Variants in ANKS1B observed in about 807,000 individuals in gnomAD.
ANKS1B encodes ankyrin repeat and sterile alpha motif domain-containing protein 1B.
ANKS1B carries 36 observed loss-of-function variants against 148.3 expected under a neutral mutation model. That is an observed-to-expected ratio of 0.24 (90% CI 0.19 to 0.32). The LOEUF (loss-of-function observed/expected upper bound fraction) is 0.32, where lower values mean the gene tolerates loss of function less well. ANKS1B is among the 10% of genes least tolerant of loss of function. The pLI, the probability that ANKS1B is intolerant of heterozygous loss-of-function variation, is 1.00. For synonymous variants in ANKS1B, 542 were observed against 560.8 expected, an observed-to-expected ratio of 0.97 and a Z score of 0.47; for missense variants, 1,157 against 1,542.6, an observed-to-expected ratio of 0.75 and a Z score of 4.19.
At chr12:99,922,460 T>C (rs975574297) in intron 1 of ANKS1B, among the ~76,000 whole-genome samples, 2 of 152,106 alleles carry the variant, frequency 1.3e-5, no homozygotes, top group African/African-American at 4.8e-5. Flanking sequence ...GTATTAAGAA[T>C]AGGAAAGTCA....
At chr12:99,918,240 T>A (rs1046774475) in intron 1 of ANKS1B, among the ~76,000 whole-genome samples, 1 of 152,102 alleles carries the variant, frequency 6.6e-6, no homozygotes, top group Non-Finnish European at 1.5e-5. Context: ...AACTAAGGGG[T>A]AGAAGTAGAA....
At chr12:99,783,824 T>C (rs1387698209) in intron 4 of ANKS1B, among the ~76,000 whole-genome samples, 1 of 152,040 alleles carries the variant, frequency 6.6e-6, no homozygotes, top group Non-Finnish European at 1.5e-5. Flanking sequence ...AGTAGGGTGA[T>C]GATAGTTAAC....
intron 17 of ANKS1B, among the ~76,000 whole-genome samples, chr12:99,016,532 T>C (rs548608181): frequency 6.6e-6 from 1 of 152,292 alleles, no homozygotes; most frequent in East Asian, 1.9e-4. Flanking sequence ...GGCACATGCC[T>C]GTAATTTCAG....
chr12:98,872,192 C>T (rs760015044), intron 17 of ANKS1B, among the ~76,000 whole-genome samples: 8 of 152,068 alleles, frequency 5.3e-5, no homozygotes, highest in Non-Finnish European at 1.2e-4. Flanking sequence ...ATGTTGAAGC[C>T]CTAATTCCCA....
At chr12:99,213,264 G>A (rs1340884816) in intron 14 of ANKS1B, among the ~76,000 whole-genome samples, 2 of 152,192 alleles carry the variant, frequency 1.3e-5, no homozygotes, top group Admixed American at 1.3e-4. Context: ...CCCAGGAGGT[G>A]CTGGAAGCCT....
At chr12:98,975,933 CA>C (rs1341843241) in intron 17 of ANKS1B, among the ~76,000 whole-genome samples, 6 of 152,200 alleles carry the variant, frequency 3.9e-5, no homozygotes, top group Non-Finnish European at 5.9e-5. Flanking sequence ...CGGCTTCATT[CA>C]TCCACCAAAC....
rs554705952 is a variant in ANKS1B, at chr12:99,022,442, C to A, written c.2778+30715G>T. Among the ~76,000 whole-genome samples, 20 of 152,296 alleles carry A rather than the reference C, an allele frequency of 1.3e-4. No homozygotes were observed. In the South Asian group the frequency reaches 3.9e-3, roughly 30 times the overall value. On this transcript the variant is annotated intron_variant, in intron 17 of 26. Transcript: ENST00000683438. ...TATCTGCCATAGCAGCTAATATTGT[C>A]ATTAACTAATATACACTATGTATCG...
intron 1 of ANKS1B, among the ~76,000 whole-genome samples, chr12:99,858,811 G>A (rs1205002346): frequency 6.6e-6 from 1 of 152,086 alleles, no homozygotes; most frequent in Non-Finnish European, 1.5e-5. Context: ...TCATTCATAA[G>A]TGGGAGCTAA....
intron 9 of ANKS1B, among the ~76,000 whole-genome samples, chr12:99,513,516 T>C (rs1242772393): frequency 6.6e-6 from 1 of 152,084 alleles, no homozygotes; most frequent in Non-Finnish European, 1.5e-5. Context: ...TTCATGTTTA[T>C]TTTTCAAAAA....
At chr12:99,080,079 T>C (rs1189092002) in intron 16 of ANKS1B, 11 of 152,306 alleles carry the variant, frequency 7.2e-5, no homozygotes, top group African/African-American at 2.7e-4. Context: ...CTCCCTTAAA[T>C]ATACCGCTTT....
At chr12:99,622,748 G>A (rs2098069391) in intron 9 of ANKS1B, among the ~76,000 whole-genome samples, 5 of 151,848 alleles carry the variant, frequency 3.3e-5, no homozygotes, top group Non-Finnish European at 7.4e-5. Flanking sequence ...AACTGAATCA[G>A]TAAGAAAAAA....
intron 17 of ANKS1B, among the ~76,000 whole-genome samples, chr12:98,981,629 C>T (rs1301450660): frequency 6.6e-6 from 1 of 152,208 alleles, no homozygotes; most frequent in Non-Finnish European, 1.5e-5. Flanking sequence ...AGCCACTGTG[C>T]CCAGCATATT....
intron 12 of ANKS1B, among the ~76,000 whole-genome samples, chr12:99,392,139 C>T (rs898683296): frequency 6.6e-6 from 1 of 152,242 alleles, no homozygotes; most frequent in Non-Finnish European, 1.5e-5. Context: ...GAGGTCATCT[C>T]AGCAGCCTGT....
rs189953349 is a variant in ANKS1B, at chr12:99,747,809, T to C, written c.1128+25113A>G. On this transcript the variant is annotated intron_variant, in intron 8 of 26. Coordinates refer to ENST00000683438, the MANE Select transcript of ANKS1B (RefSeq NM_001352186.2). ...TTGGATTGCTATCTCAAATCTCTCTTATTAAACACATGTGAAAAATGAACC... is the reference window on the plus strand; with the variant it reads ...TTGGATTGCTATCTCAAATCTCTCTCATTAAACACATGTGAAAAATGAACC... Among the ~76,000 whole-genome samples, 640 of 152,240 alleles carry C rather than the reference T, an allele frequency of 4.2e-3. 16 individuals are homozygous for C. The highest frequency in any genetic ancestry group is 9.7e-4 in the Non-Finnish European group (66 of 68,004).
At chr12:99,636,685 G>A (rs1046941628) in intron 9 of ANKS1B, among the ~76,000 whole-genome samples, 6 of 152,150 alleles carry the variant, frequency 3.9e-5, no homozygotes, top group Admixed American at 2.6e-4. Context: ...AAGGCAGAGT[G>A]TTGTCTTGTT....
At chr12:99,642,317 A>G (rs2098316321) in intron 9 of ANKS1B, among the ~76,000 whole-genome samples, 1 of 152,010 alleles carries the variant, frequency 6.6e-6, no homozygotes, top group East Asian at 1.9e-4. Flanking sequence ...GAGTGCATCT[A>G]TGAGAGATGA....
At position 99,547,070 on chromosome 12, in the gene ANKS1B, G is replaced by A. The variant is rs1472488133; in HGVS notation, c.1273-42429C>T. On this transcript the variant is annotated intron_variant, in intron 9 of 26. Coordinates refer to ENST00000683438, the MANE Select transcript of ANKS1B (RefSeq NM_001352186.2). Reference sequence around the variant, plus strand: ...ATCTGTGGTAAAATTCCCAGTAAGTGTGGCCTTGGGGAGAAAAAGAGAGGG... The same window carrying A: ...ATCTGTGGTAAAATTCCCAGTAAGTATGGCCTTGGGGAGAAAAAGAGAGGG... 3.3e-5 allele frequency among the ~76,000 whole-genome samples: 5 copies of A among 152,074 alleles called. No individual in the cohort carries two copies. The East Asian group carries it at 7.7e-4, about 24-fold the overall frequency.
At chr12:99,578,164 A>G (rs900731208) in intron 9 of ANKS1B, among the ~76,000 whole-genome samples, 1 of 152,188 alleles carries the variant, frequency 6.6e-6, no homozygotes, top group Admixed American at 6.6e-5. Context: ...ATAAAATCCA[A>G]CATCCCTTCA....
chr12:99,522,125 C>T (rs1460046943), intron 9 of ANKS1B, among the ~76,000 whole-genome samples: 3 of 152,212 alleles, frequency 2.0e-5, no homozygotes, highest in African/African-American at 4.8e-5. Context: ...CTTCTCCTTA[C>T]TGTTTTTCTA....
Sources: gnomAD v4.1 joint callset for allele counts (sites outside exome capture counted in the v4.1 genomes callset) on GRCh38, gnomAD v4.1.1 for gene constraint, MANE v1.5 for transcripts, NCBI Gene and HGNC (gene_info 2026-07-23, HGNC 2026-07-21) for gene names.